Variants in PVT1 observed in about 807,000 individuals in gnomAD.
PVT1 encodes Pvt1 oncogene.
intron 5 of PVT1, among the ~76,000 whole-genome samples, chr8:128,084,100 T>TC (rs1054033812): frequency 2.6e-5 from 4 of 152,036 alleles, no homozygotes; most frequent in African/African-American, 7.2e-5. Flanking sequence ...CTATCCTTTA[T>TC]CCCCCCCTTG....
chr8:128,089,419 C>A (rs1251527198), intron 5 of PVT1, among the ~76,000 whole-genome samples: 1 of 152,062 alleles, frequency 6.6e-6, no homozygotes, highest in Admixed American at 6.5e-5. Context: ...ATGACCATCA[C>A]CCCCCAATAA....
intron 4 of PVT1, among the ~76,000 whole-genome samples, chr8:128,045,775 G>A (rs1384028379): frequency 6.6e-6 from 1 of 152,226 alleles, no homozygotes; most frequent in African/African-American, 2.4e-5. Flanking sequence ...ACTGCTCAAG[G>A]ATGGGGATGC....
At chr8:128,041,909 T>C (rs1813550446) in intron 4 of PVT1, among the ~76,000 whole-genome samples, 2 of 152,214 alleles carry the variant, frequency 1.3e-5, no homozygotes, top group South Asian at 4.1e-4. Context: ...TTGCAGTTCC[T>C]GTATCACAGT....
intron 2 of PVT1, among the ~76,000 whole-genome samples, chr8:127,831,151 C>CTATA (rs762910145): frequency 9.8e-4 from 145 of 147,274 alleles, no homozygotes; most frequent in African/African-American, 3.6e-3. Flanking sequence ...CTCTCTCTCT[C>CTATA]TCTCTATATA....
chr8:127,954,785 C>T (rs1277864774), intron 3 of PVT1, among the ~76,000 whole-genome samples: 1 of 152,192 alleles, frequency 6.6e-6, no homozygotes, highest in African/African-American at 2.4e-5. Context: ...TGAGCTGCTG[C>T]TCTGCAACTG....
intron 2 of PVT1, among the ~76,000 whole-genome samples, chr8:127,834,636 C>T (rs1814889063): frequency 6.6e-6 from 1 of 152,142 alleles, no homozygotes; most frequent in South Asian, 2.1e-4. Flanking sequence ...AACAAGGAAC[C>T]TACAGAATGG....
At chr8:127,804,469 G>A (rs1378754519) in intron 2 of PVT1, among the ~76,000 whole-genome samples, 1 of 151,184 alleles carries the variant, frequency 6.6e-6, no homozygotes. Flanking sequence ...CTGTGCCCAG[G>A]CTGTGGTTTT....
At chr8:127,851,437 C>T (rs1228075563) in intron 2 of PVT1, among the ~76,000 whole-genome samples, 4 of 152,258 alleles carry the variant, frequency 2.6e-5, no homozygotes, top group South Asian at 2.1e-4. Flanking sequence ...CGCCCATGGC[C>T]CTCATCTGTA....
intron 2 of PVT1, among the ~76,000 whole-genome samples, chr8:127,884,102 A>G (rs1586421151): frequency 6.6e-6 from 1 of 152,234 alleles, no homozygotes; most frequent in East Asian, 1.9e-4. Flanking sequence ...GTGTGGAGCC[A>G]GCACCTGGAT....
At chr8:128,021,412 G>A (rs1817434762) in intron 4 of PVT1, among the ~76,000 whole-genome samples, 1 of 148,354 alleles carries the variant, frequency 6.7e-6, no homozygotes, top group South Asian at 2.2e-4. Context: ...TCCTGCCTCA[G>A]CCTCCCGAGT....
At chr8:127,983,112 G>A (rs780575332) in intron 3 of PVT1, among the ~76,000 whole-genome samples, 53 of 152,158 alleles carry the variant, frequency 3.5e-4, no homozygotes, top group Non-Finnish European at 5.4e-4. Flanking sequence ...TTGACTTGGA[G>A]TACCTGCCTC....
chr8:128,008,617 C>T (rs1412170520), intron 4 of PVT1, among the ~76,000 whole-genome samples: 4 of 152,226 alleles, frequency 2.6e-5, no homozygotes, highest in Non-Finnish European at 5.9e-5. Context: ...TTGCTGCCTT[C>T]TGGGTTCCTC....
chr8:127,984,907 TTCTTTCTTTCTTTCTC>T (rs1563657591), intron 3 of PVT1, among the ~76,000 whole-genome samples: 1 of 87,412 alleles, frequency 1.1e-5, no homozygotes, highest in East Asian at 2.6e-4. Context: ...CTTTCTTTCT[TTCTTTCTTTCTTTCTC>T]TTTCTCTTTC....
intron 2 of PVT1, among the ~76,000 whole-genome samples, chr8:127,873,281 A>C (rs1815371873): frequency 6.6e-6 from 1 of 151,998 alleles, no homozygotes; most frequent in South Asian, 2.1e-4. Context: ...CAGCTCTTTT[A>C]CTTGCTGGGT....
intron 3 of PVT1, chr8:127,948,022 C>T (rs1157566291): frequency 2.9e-5 from 12 of 413,648 alleles, no homozygotes; most frequent in Non-Finnish European, 5.7e-5. Context: ...AAACTATCTG[C>T]TGTTGGTCTC....
At chr8:128,032,053 T>C (rs1039094189) in intron 4 of PVT1, among the ~76,000 whole-genome samples, 2 of 152,224 alleles carry the variant, frequency 1.3e-5, no homozygotes, top group African/African-American at 4.8e-5. Context: ...GCAATCTGCT[T>C]CTTGCTGGGA....
intron 4 of PVT1, among the ~76,000 whole-genome samples, chr8:128,020,669 A>G (rs1235586414): frequency 6.6e-6 from 1 of 152,262 alleles, no homozygotes; most frequent in South Asian, 2.1e-4. Context: ...ATGAACCAGG[A>G]GCAGGGAAAC....
intron 5 of PVT1, among the ~76,000 whole-genome samples, chr8:128,072,466 T>C (rs1351126945): frequency 6.6e-6 from 1 of 152,228 alleles, no homozygotes; most frequent in African/African-American, 2.4e-5. Flanking sequence ...AAAAGTGCCT[T>C]ATAAGCTGAC....
Position 128,041,395 on chromosome 8 carries a change from GTGTT to G in PVT1, n.913-28761_913-28758del, listed in dbSNP as rs556991309. Among the ~76,000 whole-genome samples, 96 of 150,140 alleles carry G rather than the reference GTGTT, an allele frequency of 6.4e-4. 1 individual carries two copies. In the East Asian group the frequency reaches 9.2e-3, roughly 14 times the overall value. The stretch of plus-strand genomic sequence containing the variant: ...TGTTTGTGTGCATATGTGTATGTGT[GTGTT>G]TGTGTGCATGTGTGTTTGTGCTCGT... On this transcript the variant is annotated intron_variant and non_coding_transcript_variant, in intron 4 of 10. Coordinates refer to ENST00000651587, the Ensembl canonical transcript of PVT1.
Sources: gnomAD v4.1 joint callset for allele counts (sites outside exome capture counted in the v4.1 genomes callset) on GRCh38, gnomAD v4.1.1 for gene constraint, MANE v1.5 for transcripts, NCBI Gene and HGNC (gene_info 2026-07-23, HGNC 2026-07-21) for gene names.